TCERG1L: variants seen among roughly 807,000 people sequenced by gnomAD.
TCERG1L encodes the protein transcription elongation regulator 1-like protein.
A neutral mutation model predicts 56.3 loss-of-function variants in TCERG1L; 37 were observed. The observed-to-expected ratio is 0.66, with a 90% CI of 0.51 to 0.87. TCERG1L has a LOEUF of 0.87. Ranked by LOEUF, TCERG1L falls within the 40% of genes least tolerant of loss-of-function variation. The pLI, the probability that TCERG1L is intolerant of heterozygous loss-of-function variation, is 0.00. For missense variants in TCERG1L, 799 were observed against 774.2 expected, an observed-to-expected ratio of 1.03 and a Z score of -0.38; for synonymous variants, 324 against 326.3, an observed-to-expected ratio of 0.99 and a Z score of 0.08.
At chr10:131,269,066 C>T (rs1312679654) in intron 3 of TCERG1L, among the ~76,000 whole-genome samples, 3 of 152,346 alleles carry the variant, frequency 2.0e-5, no homozygotes, top group South Asian at 2.1e-4. Context: ...GCTTTCAACA[C>T]GCCTTCTTCA....
At chr10:131,111,412 G>A (rs1325493130) in intron 9 of TCERG1L, among the ~76,000 whole-genome samples, 3 of 142,852 alleles carry the variant, frequency 2.1e-5, no homozygotes, top group African/African-American at 7.4e-5. Context: ...TTACTTTTGC[G>A]AAAGTCCTGG....
intron 4 of TCERG1L, among the ~76,000 whole-genome samples, chr10:131,175,768 C>G (rs900744827): frequency 6.6e-6 from 1 of 151,932 alleles, no homozygotes; most frequent in Non-Finnish European, 1.5e-5. Flanking sequence ...AGGACTTTAC[C>G]CCAACCTTGG....
At position 131,311,567 on chromosome 10, in the gene TCERG1L, C is replaced by G; in HGVS notation, c.69G>C (p.Gln23His). ...CTGCGTCCATCGGCCAGAGGAGAGG[C>G]TGCCGCCGCCGGGGCTGCTGCTGCT... The part of the protein sequence containing the change: ...QLQQQQPRRR[Q>H]PLLWPMDAEP... Residue 23 changes from glutamine to histidine, a missense_variant, in exon 1 of 12, where the codon CAG becomes CAC. Gln to His is a conservative substitution (Grantham distance 24). Coordinates refer to ENST00000368642, the MANE Select transcript of TCERG1L (RefSeq NM_174937.4). The surrounding 1 kb of genome is among the most constrained non-coding windows in gnomAD (Gnocchi z 4.0). 1 of 1,159,450 alleles carries G rather than the reference C, an allele frequency of 8.6e-7. No individual in the cohort carries two copies. Among genetic ancestry groups the G allele is most frequent in the Non-Finnish European group, 1.1e-6 (1 of 942,328 alleles). 71.8% of individuals were successfully genotyped at this position (1,159,450 alleles called of 1,614,324 possible). A position where few individuals can be genotyped will look rare whatever the true frequency, so the allele number is the denominator to read the frequency against.
intron 4 of TCERG1L, among the ~76,000 whole-genome samples, chr10:131,245,338 AGTTT>A (rs1196556084): frequency 1.3e-5 from 2 of 152,178 alleles, no homozygotes; most frequent in African/African-American, 4.8e-5. Context: ...GGGTTCTCTG[AGTTT>A]GTTTATGATA....
In TCERG1L at chr10:131,106,406, C is replaced by T. The variant is rs541436755; in HGVS notation, c.1396-2052G>A. On this transcript the variant is annotated intron_variant, in intron 9 of 11. Transcript: ENST00000368642. ...CTTCCAGAGTGCTGTGACTTTGGAA[C>T]ATGAATACTCCTCAGGGTTCACAAA... 1.1e-4 allele frequency among the ~76,000 whole-genome samples: 16 copies of T among 152,198 alleles called. 1 individual carries two copies. The highest frequency in any genetic ancestry group is 1.9e-4 in the Non-Finnish European group (13 of 68,042).
rs186112198 is a variant in TCERG1L, at chr10:131,114,276, C to A, written c.1395+2523G>T. 1.9e-3 allele frequency among the ~76,000 whole-genome samples: 271 copies of A among 142,472 alleles called. 55 individuals are homozygous for A. The highest frequency in any genetic ancestry group is 2.9e-3 in the Non-Finnish European group (184 of 63,328). 93.5% of individuals were successfully genotyped at this position (142,472 alleles called of 152,430 possible). ...ACCTCATTGTTAAGCAGCTAGAAAC[C>A]TTATGGGTTTAGCTATCAAATTCTC... On this transcript the variant is annotated intron_variant, in intron 9 of 11. Transcript: ENST00000368642.
At position 131,113,266 on chromosome 10, in the gene TCERG1L, C is replaced by T. The variant is rs188820488; in HGVS notation, c.1395+3533G>A. On this transcript the variant is annotated intron_variant, in intron 9 of 11. Coordinates refer to ENST00000368642, the MANE Select transcript of TCERG1L (RefSeq NM_174937.4). ...TATAATCCCATTCCAGAAATTAGAG[C>T]GGGCAGTGCCAACTCCCCAAAGGCA... is the stretch of plus-strand genomic sequence containing the variant. Among the ~76,000 whole-genome samples, 30 of 142,568 alleles carry T rather than the reference C, an allele frequency of 2.1e-4. 7 individuals are homozygous for T. The highest frequency in any genetic ancestry group is 1.2e-3 in the East Asian group (5 of 4,216). The allele number at this position is 142,568 out of a possible 152,430, so 93.5% of individuals were successfully genotyped here.
chr10:131,207,003 G>A (rs1387844405), intron 4 of TCERG1L, among the ~76,000 whole-genome samples: 1 of 152,178 alleles, frequency 6.6e-6, no homozygotes, highest in East Asian at 1.9e-4. Flanking sequence ...CCCCGTGGCT[G>A]GTCCCCTCCA....
intron 7 of TCERG1L, among the ~76,000 whole-genome samples, chr10:131,141,182 C>T (rs944532869): frequency 6.6e-6 from 1 of 152,156 alleles, no homozygotes; most frequent in Admixed American, 6.5e-5. Flanking sequence ...CTCTCCGTGG[C>T]CACTTGGAAA....
chr10:131,272,105 T>A (rs1205878722), intron 3 of TCERG1L, among the ~76,000 whole-genome samples: 26 of 152,146 alleles, frequency 1.7e-4, no homozygotes, highest in Admixed American at 1.7e-3. Flanking sequence ...AGCGGCGGAA[T>A]GAGCTGGTGC....
intron 9 of TCERG1L, among the ~76,000 whole-genome samples, chr10:131,113,401 A>T (rs777133327): frequency 1.4e-5 from 2 of 141,594 alleles, no homozygotes; most frequent in African/African-American, 2.5e-5. Context: ...TGGGAGGCAG[A>T]GTTGCCTGTG....
chr10:131,158,144 C>T (rs1486466868), intron 6 of TCERG1L, among the ~76,000 whole-genome samples: 4 of 152,244 alleles, frequency 2.6e-5, no homozygotes, highest in East Asian at 1.9e-4. Context: ...CGTCCGCTGC[C>T]GGCATTCCGT....
intron 4 of TCERG1L, among the ~76,000 whole-genome samples, chr10:131,251,941 C>A (rs1214644044): frequency 6.6e-6 from 1 of 152,148 alleles, no homozygotes; most frequent in Non-Finnish European, 1.5e-5. Context: ...ACTTTCTGTT[C>A]CTCTTCCCCT....
chr10:131,205,849 C>T (rs1845517765), intron 4 of TCERG1L, among the ~76,000 whole-genome samples: 1 of 152,138 alleles, frequency 6.6e-6, no homozygotes, highest in South Asian at 2.1e-4. Context: ...CTGTGGGAGC[C>T]CCTGGGATGG....
chr10:131,285,489 AAAG>A lies in TCERG1L; in HGVS notation c.670+22719_670+22721del, dbSNP rs1384268872. Among the ~76,000 whole-genome samples the A allele has an allele frequency of 5.7e-3, 111 of 19,606 alleles. 1 individual carries two copies. Among genetic ancestry groups the A allele is most frequent in the East Asian group, 0.018 (4 of 218 alleles). The allele number at this position is 19,606 out of a possible 152,430, so 12.9% of individuals were successfully genotyped here. On this transcript the variant is annotated intron_variant, in intron 3 of 11. Coordinates refer to ENST00000368642, the MANE Select transcript of TCERG1L (RefSeq NM_174937.4). ...GGAAGAAAGAAAGAAAGAAAGAAAG[AAAG>A]AAAGAAAGAAAGAAAGAAAGAAAGA...
At chr10:131,234,129 C>A (rs1447921212) in intron 4 of TCERG1L, among the ~76,000 whole-genome samples, 3 of 152,186 alleles carry the variant, frequency 2.0e-5, no homozygotes, top group African/African-American at 7.2e-5. Context: ...AGTTACCCAG[C>A]CTCAGGTATT....
intron 4 of TCERG1L, among the ~76,000 whole-genome samples, chr10:131,225,738 AC>A (rs112938760): frequency 6.7e-6 from 1 of 149,786 alleles, no homozygotes; most frequent in South Asian, 2.2e-4. Context: ...CCCCAATGTG[AC>A]CCCCCTCCCA....
intron 4 of TCERG1L, among the ~76,000 whole-genome samples, chr10:131,242,595 C>G (rs1006270828): frequency 2.0e-5 from 3 of 152,190 alleles, no homozygotes; most frequent in Admixed American, 2.0e-4. Context: ...ATAGGAAATG[C>G]TTGCAACCAG....
chr10:131,297,637 TTTTAA>T (rs1411274810), intron 3 of TCERG1L, among the ~76,000 whole-genome samples: 1 of 152,186 alleles, frequency 6.6e-6, no homozygotes. Flanking sequence ...AACAAGTTTA[TTTTAA>T]TTTGTGTATT....
Sources: allele counts gnomAD v4.1 joint callset (sites outside exome capture counted in the v4.1 genomes callset), GRCh38; gene constraint gnomAD v4.1.1; non-coding constraint Gnocchi (gnomAD v3.1); transcripts MANE v1.5; gene names NCBI Gene and HGNC (gene_info 2026-07-23, HGNC 2026-07-21).